The following IFNLR1 variants were observed in gnomAD, a reference collection of about 807,000 sequenced individuals.
IFNLR1 encodes the protein CRF2-12.
IFNLR1 carries 28 observed loss-of-function variants against 52.5 expected under a neutral mutation model. That is an observed-to-expected ratio of 0.53 (90% CI 0.40 to 0.73). The LOEUF (loss-of-function observed/expected upper bound fraction) is 0.73, where lower values mean the gene tolerates loss of function less well. Among genes scored for constraint, IFNLR1 ranks in the 30% least tolerant of loss-of-function variants. The probability of loss-of-function intolerance (pLI) is 0.00; values close to 1 mark genes in which losing one functional copy is unlikely to be tolerated. For synonymous variants in IFNLR1, 276 were observed against 274.9 expected, an observed-to-expected ratio of 1.00 and a Z score of -0.04; for missense variants, 623 against 659.1, an observed-to-expected ratio of 0.95 and a Z score of 0.60.
chr1:24,157,025 C>T lies in IFNLR1; in HGVS notation c.*105G>A. The T allele has an allele frequency of 7.3e-7, 1 of 1,369,650 alleles. No homozygotes were observed. The highest frequency in any genetic ancestry group is 1.0e-6 in the Non-Finnish European group (1 of 1,005,010). The allele number at this position is 1,369,650 out of a possible 1,614,324, so 84.8% of individuals were successfully genotyped here. On this transcript the variant is annotated 3_prime_UTR_variant, in exon 7 of 7. Transcript: ENST00000327535. The surrounding 1 kb of genome is among the most constrained non-coding windows in gnomAD (Gnocchi z 5.1). ...GACTTCCCGGAAGTGCAATGCCCCTCCGCCGCCCAGGGGAGGTACGGAGGC... is the reference window on the plus strand; with the variant it reads ...GACTTCCCGGAAGTGCAATGCCCCTTCGCCGCCCAGGGGAGGTACGGAGGC...
rs530027764 is a variant in IFNLR1, at chr1:24,177,410, A to G, written c.182+3321T>C. 9.8e-5 allele frequency among the ~76,000 whole-genome samples: 15 copies of G among 152,294 alleles called. No individual in the cohort carries two copies. In the South Asian group the frequency reaches 3.1e-3, roughly 32 times the overall value. On this transcript the variant is annotated intron_variant, in intron 2 of 6. Transcript: ENST00000327535. Reference sequence around the variant, plus strand: ...TCCGAGAGCCCCCAGCAAACCACTAACTTAAGTCCAAGAGTCTAAAGGCCA... The same window carrying G: ...TCCGAGAGCCCCCAGCAAACCACTAGCTTAAGTCCAAGAGTCTAAAGGCCA...
chr1:24,187,274 C>G lies in IFNLR1; in HGVS notation c.-26G>C. 1 of 1,261,134 alleles carries G rather than the reference C, an allele frequency of 7.9e-7. No individual in the cohort carries two copies. Among genetic ancestry groups the G allele is most frequent in the Non-Finnish European group, 1.0e-6 (1 of 1,001,062 alleles). The allele number at this position is 1,261,134 out of a possible 1,614,324, so 78.1% of individuals were successfully genotyped here. A position where few individuals can be genotyped will look rare whatever the true frequency, so the allele number is the denominator to read the frequency against. ...GGCCTTCCTGCCGCGGCGTCCCCGC[C>G]CGGGCCCAGGTCCCCGCCTCCCGCC... is the stretch of plus-strand genomic sequence containing the variant. On this transcript the variant is annotated 5_prime_UTR_variant, in exon 1 of 7. Coordinates refer to ENST00000327535, the MANE Select transcript of IFNLR1 (RefSeq NM_170743.4).
Position 24,167,830 on chromosome 1 carries a change from G to A in IFNLR1, c.367+1587C>T, listed in dbSNP as rs1040367359. On this transcript the variant is annotated intron_variant, in intron 3 of 6. Transcript: ENST00000327535. ...CTGCCTTAGCCTCCCCAGCAGCTGG[G>A]ACTACAGGCGCACATCATCACGCCC... Among the ~76,000 whole-genome samples the A allele has an allele frequency of 6.6e-5, 10 of 152,104 alleles. No individual in the cohort carries two copies. In the South Asian group the frequency reaches 1.7e-3, roughly 25 times the overall value.
chr1:24,177,487 C>T lies in IFNLR1; in HGVS notation c.182+3244G>A, dbSNP rs563582992. Among the ~76,000 whole-genome samples, 6 of 152,290 alleles carry T rather than the reference C, an allele frequency of 3.9e-5. No homozygotes were observed. In the East Asian group the frequency reaches 5.8e-4, roughly 15 times the overall value. ...GCAGGAGGAGCAGAAGGAAGCATCC[C>T]GCACGGGAGAAAGAAGGAAGCTGGA... is the stretch of plus-strand genomic sequence containing the variant. On this transcript the variant is annotated intron_variant, in intron 2 of 6. Coordinates refer to ENST00000327535, the MANE Select transcript of IFNLR1 (RefSeq NM_170743.4).
chr1:24,169,252 G>A (rs1644552401), intron 3 of IFNLR1, among the ~76,000 whole-genome samples, 165 bp downstream of exon 3: 1 of 152,158 alleles, frequency 6.6e-6, no homozygotes, highest in African/African-American at 2.4e-5. Flanking sequence ...GTCCCTCGCT[G>A]TTGCTGGTCC....
chr1:24,169,649 G>A, intron 2 of IFNLR1, 48 bp from the exon 3 acceptor site: 1 of 1,557,880 alleles, frequency 6.4e-7, no homozygotes, highest in Non-Finnish European at 8.7e-7. Flanking sequence ...AGCCTCTCCG[G>A]GTCAGGGAAC....
intron 1 of IFNLR1, among the ~76,000 whole-genome samples, chr1:24,184,050 A>T (rs925686039): frequency 3.9e-5 from 6 of 151,932 alleles, no homozygotes; most frequent in African/African-American, 1.5e-4. Context: ...AGTCTTTACA[A>T]TCACCACCAA....
At chr1:24,178,016 G>A (rs1261824603) in intron 2 of IFNLR1, among the ~76,000 whole-genome samples, 2 of 152,160 alleles carry the variant, frequency 1.3e-5, no homozygotes, top group Non-Finnish European at 2.9e-5. Context: ...TGGGTGCGAT[G>A]GCTCATGCCT....
intron 2 of IFNLR1, among the ~76,000 whole-genome samples, chr1:24,178,398 T>A (rs1378187000): frequency 6.6e-6 from 1 of 152,190 alleles, no homozygotes; most frequent in African/African-American, 2.4e-5. Context: ...GCATGCAGAT[T>A]ATAGTCTTTA....
Position 24,180,929 on chromosome 1 carries a change from C to T in IFNLR1, c.59-75G>A. 14 of 1,512,590 alleles carry T rather than the reference C, an allele frequency of 9.3e-6. 1 individual carries two copies. The South Asian group carries it at 1.7e-4, about 18-fold the overall frequency. 93.7% of individuals were successfully genotyped at this position (1,512,590 alleles called of 1,614,324 possible). ...ACTCAGGCCATCCCAAGCTGAGGGG[C>T]AGCACGAAGGGCAAGCAGGTGCTCA... On this transcript the variant is annotated intron_variant, in intron 1 of 6. Transcript: ENST00000327535.
intron 1 of IFNLR1, among the ~76,000 whole-genome samples, chr1:24,186,238 G>A (rs1257263877): frequency 1.3e-5 from 2 of 152,032 alleles, no homozygotes; most frequent in Admixed American, 6.5e-5. Context: ...CCTGTCCCAC[G>A]TGCCTACCCT....
Position 24,187,219 on chromosome 1 carries a change from C to A in IFNLR1, c.30G>T (p.Leu10=). The A allele has an allele frequency of 7.7e-7, 1 of 1,296,026 alleles. No individual in the cohort carries two copies. Among genetic ancestry groups the A allele is most frequent in the Non-Finnish European group, 9.8e-7 (1 of 1,021,694 alleles). The allele number at this position is 1,296,026 out of a possible 1,614,324, so 80.3% of individuals were successfully genotyped here. A position where few individuals can be genotyped will look rare whatever the true frequency, so the allele number is the denominator to read the frequency against. The change falls in exon 1 of 7, where the codon CTG becomes CTT. Residue 10 remains leucine (L), a synonymous_variant. Coordinates refer to ENST00000327535, the MANE Select transcript of IFNLR1 (RefSeq NM_170743.4). MAGPERWGP[L]LLCLLQAAPG... is the part of the protein sequence containing the mutation. ...GAGCGGCCTGCAGCAGGCACAGGAGCAGGGGGCCCCAGCGCTCGGGCCCCG... is the reference window on the plus strand; with the variant it reads ...GAGCGGCCTGCAGCAGGCACAGGAGAAGGGGGCCCCAGCGCTCGGGCCCCG...
intron 2 of IFNLR1, among the ~76,000 whole-genome samples, chr1:24,173,954 C>T (rs1644607143): frequency 6.6e-6 from 1 of 152,078 alleles, no homozygotes; most frequent in African/African-American, 2.4e-5. Context: ...TTCATAATAG[C>T]CCTATTATGG....
intron 1 of IFNLR1, among the ~76,000 whole-genome samples, chr1:24,183,281 T>A (rs1365114491): frequency 6.6e-6 from 1 of 151,888 alleles, no homozygotes; most frequent in Non-Finnish European, 1.5e-5. Context: ...CTCATACTAT[T>A]AAAAGGCTTT....
chr1:24,162,826 C>CT (rs776065033), intron 3 of IFNLR1, among the ~76,000 whole-genome samples: 583 of 50,926 alleles, frequency 0.011, 34 homozygotes, highest in East Asian at 0.047. Context: ...TTTCTTCTTT[C>CT]TTTCTTTTCT....
intron 4 of IFNLR1, among the ~76,000 whole-genome samples, chr1:24,161,017 G>A (rs907596550): frequency 6.6e-6 from 1 of 151,854 alleles, no homozygotes; most frequent in African/African-American, 2.4e-5. Flanking sequence ...ATGAGCCACC[G>A]CACCTGGCCT....
At chr1:24,175,377 T>A (rs1295472724) in intron 2 of IFNLR1, among the ~76,000 whole-genome samples, 2 of 152,240 alleles carry the variant, frequency 1.3e-5, no homozygotes, top group East Asian at 3.8e-4. Flanking sequence ...AAACTTAAAA[T>A]CTAATGGAAT....
intron 3 of IFNLR1, among the ~76,000 whole-genome samples, chr1:24,164,175 A>G (rs964150687): frequency 1.3e-5 from 2 of 152,230 alleles, no homozygotes; most frequent in African/African-American, 2.4e-5. Context: ...TCATGGTCCA[A>G]TGCAGTTTGA....
intron 5 of IFNLR1, 124 bp from the exon 6 acceptor site, chr1:24,159,306 CTG>C (rs1438279001): frequency 4.5e-6 from 6 of 1,348,106 alleles, no homozygotes; most frequent in Admixed American, 4.1e-5. Flanking sequence ...ATCCTGCAGA[CTG>C]TGCAAACCAA....
Sources: allele counts gnomAD v4.1 joint callset (sites outside exome capture counted in the v4.1 genomes callset), GRCh38; gene constraint gnomAD v4.1.1; non-coding constraint Gnocchi (gnomAD v3.1); transcripts MANE v1.5; gene names NCBI Gene and HGNC (gene_info 2026-07-23, HGNC 2026-07-21).